STK32B: variants seen among roughly 807,000 people sequenced by gnomAD.
STK32B encodes the protein serine/threonine-protein kinase 32B.
In STK32B, 43 loss-of-function variants were observed where a neutral mutation model predicts 52.6. That is an observed-to-expected ratio of 0.82 (90% CI 0.64 to 1.05). STK32B has a LOEUF of 1.05. Ranked by LOEUF, STK32B falls within the 50% of genes least tolerant of loss-of-function variation. The probability of loss-of-function intolerance (pLI) is 0.00; values close to 1 mark genes in which losing one functional copy is unlikely to be tolerated. For missense variants in STK32B, 621 were observed against 534.6 expected (o/e 1.16, Z -1.59); for synonymous variants, 238 against 204.3 (o/e 1.17, Z -1.41).
intron 3 of STK32B, among the ~76,000 whole-genome samples, chr4:5,328,548 A>T (rs965985038): frequency 3.9e-5 from 6 of 152,280 alleles, no homozygotes; most frequent in African/African-American, 1.4e-4. Context: ...AACACATCCA[A>T]CCTTTATCCA....
At chr4:5,387,192 G>C (rs1391949264) in intron 4 of STK32B, among the ~76,000 whole-genome samples, 1 of 152,236 alleles carries the variant, frequency 6.6e-6, no homozygotes, top group Non-Finnish European at 1.5e-5. Flanking sequence ...GCCAGGACCT[G>C]ACGCTGATTG....
rs1721607951 is a variant in STK32B at position 5,195,871 on chromosome 4, C to T, written c.260+27421C>T. Among the ~76,000 whole-genome samples the T allele has an allele frequency of 2.6e-5, 4 of 152,322 alleles. No individual in the cohort carries two copies. In the South Asian group the frequency reaches 8.3e-4, roughly 32 times the overall value. ...TGACCTTTTTATCAACTCACTTGAA[C>T]TGGATTCTTAAAAGTTGTTATGACC... On this transcript the variant is annotated intron_variant, in intron 3 of 11. Transcript: ENST00000282908.
chr4:5,444,182 G>A (rs1017386129), intron 6 of STK32B, among the ~76,000 whole-genome samples: 3 of 152,142 alleles, frequency 2.0e-5, no homozygotes, highest in East Asian at 1.9e-4. Context: ...GGGCAATGGC[G>A]GGCGCCCCTC....
intron 5 of STK32B, among the ~76,000 whole-genome samples, chr4:5,402,260 G>A (rs1208901477): frequency 6.6e-6 from 1 of 152,208 alleles, no homozygotes; most frequent in Non-Finnish European, 1.5e-5. Flanking sequence ...CATTAATGCA[G>A]TTGCCTAACA....
rs545920967 is a variant in STK32B, at chr4:5,399,139, C to G, written c.472+895C>G. Among the ~76,000 whole-genome samples the G allele has an allele frequency of 6.6e-4, 100 of 152,328 alleles. No individual in the cohort carries two copies. The highest frequency in any genetic ancestry group is 2.4e-3 in the African/African-American group (99 of 41,578). ...CTGATGCCAACAGGAGACTTACAGC[C>G]TTCAAAACTAAATTCACTGGCATTG... On this transcript the variant is annotated intron_variant, in intron 5 of 11. Coordinates refer to ENST00000282908, the MANE Select transcript of STK32B (RefSeq NM_018401.3). The surrounding 1 kb of genome is among the most constrained non-coding windows in gnomAD (Gnocchi z 5.4).
At chr4:5,477,789 C>A (rs375272383) in intron 11 of STK32B, among the ~76,000 whole-genome samples, 16 of 152,260 alleles carry the variant, frequency 1.1e-4, no homozygotes, top group Middle Eastern at 3.4e-3. Context: ...AGTCACGTGG[C>A]CTCACTTAAC....
Position 5,137,646 on chromosome 4 carries a change from A to G in STK32B, c.53-2259A>G, listed in dbSNP as rs80337515. 5.9e-5 allele frequency among the ~76,000 whole-genome samples: 9 copies of G among 152,274 alleles called. No individual in the cohort carries two copies. The South Asian group carries it at 1.9e-3, about 32-fold the overall frequency. On this transcript the variant is annotated intron_variant, in intron 1 of 11. Transcript: ENST00000282908. ...AACTGAGGCACACAGAGGCTAAATG[A>G]TGCCGCTAATGACAGACTGACTGAA...
chr4:5,200,168 CA>C (rs1330460229), intron 3 of STK32B, among the ~76,000 whole-genome samples: 4 of 152,030 alleles, frequency 2.6e-5, no homozygotes, highest in African/African-American at 9.7e-5. Context: ...GTTATTGAAT[CA>C]AGCAATGCCC....
chr4:5,260,078 TAC>T (rs59447566), intron 3 of STK32B, among the ~76,000 whole-genome samples: 14,307 of 150,952 alleles, frequency 0.095, 1,745 homozygotes, highest in African/African-American at 0.28. Flanking sequence ...CATACACACA[TAC>T]ACACACACAC....
chr4:5,326,702 A>G (rs1731902037), intron 3 of STK32B, among the ~76,000 whole-genome samples: 1 of 152,340 alleles, frequency 6.6e-6, no homozygotes, highest in Middle Eastern at 3.4e-3. Context: ...AACAAGTCAC[A>G]GTCTTTTTGC....
intron 5 of STK32B, among the ~76,000 whole-genome samples, chr4:5,407,358 G>A (rs1737748350): frequency 6.6e-6 from 1 of 152,018 alleles, no homozygotes. Flanking sequence ...CTTCATCTGA[G>A]CCCTCCGCAC....
chr4:5,064,061 A>T (rs1742316947), intron 1 of STK32B, among the ~76,000 whole-genome samples: 1 of 151,862 alleles, frequency 6.6e-6, no homozygotes, highest in African/African-American at 2.4e-5. Context: ...TTTGTCAGTT[A>T]TGTGCTGCAA....
At chr4:5,085,892 T>C (rs1319357836) in intron 1 of STK32B, among the ~76,000 whole-genome samples, 2 of 152,188 alleles carry the variant, frequency 1.3e-5, no homozygotes, top group Non-Finnish European at 2.9e-5. Context: ...AGAGACCTTT[T>C]TCATACAGAA....
At chr4:5,263,546 T>C (rs779544426) in intron 3 of STK32B, among the ~76,000 whole-genome samples, 1 of 152,214 alleles carries the variant, frequency 6.6e-6, no homozygotes, top group African/African-American at 2.4e-5. Context: ...CATCCACCTA[T>C]GCAAAATCAC....
At position 5,466,835 on chromosome 4, in the gene STK32B, G is replaced by C. The variant is rs199547988; in HGVS notation, c.1041+1G>C. On this transcript the variant is annotated splice_donor_variant, in intron 10 of 11. Transcript: ENST00000282908. LOFTEE classifies it high-confidence loss of function. ...TGGCACAAAGGACAGCTGCCCGCTGGTGAGTGCTTCGTGGGAGCCGTTCCG... is the reference window on the plus strand; with the variant it reads ...TGGCACAAAGGACAGCTGCCCGCTGCTGAGTGCTTCGTGGGAGCCGTTCCG... The C allele has an allele frequency of 1.2e-6, 2 of 1,612,936 alleles. No individual in the cohort carries two copies. The highest frequency in any genetic ancestry group is 1.7e-6 in the Non-Finnish European group (2 of 1,179,482).
intron 3 of STK32B, among the ~76,000 whole-genome samples, chr4:5,230,865 C>T (rs1577219901): frequency 1.3e-5 from 2 of 152,320 alleles, no homozygotes; most frequent in South Asian, 2.1e-4. Context: ...GAGAAAAGTG[C>T]TCTGAATGGA....
chr4:5,066,006 G>C (rs1335470548), intron 1 of STK32B, among the ~76,000 whole-genome samples: 1 of 152,116 alleles, frequency 6.6e-6, no homozygotes, highest in Non-Finnish European at 1.5e-5. Flanking sequence ...TTACAGGTGT[G>C]AGCCACCATG....
intron 9 of STK32B, among the ~76,000 whole-genome samples, chr4:5,464,874 GA>G (rs1213132992): frequency 1.3e-5 from 2 of 152,200 alleles, no homozygotes; most frequent in Non-Finnish European, 2.9e-5. Context: ...ACGAATGAAT[GA>G]ATGAATGAGT....
intron 5 of STK32B, among the ~76,000 whole-genome samples, chr4:5,416,446 A>C (rs918391980): frequency 6.6e-6 from 1 of 152,096 alleles, no homozygotes; most frequent in African/African-American, 2.4e-5. Flanking sequence ...ACAGCAGAAC[A>C]AACAGTGTCC....
Sources: allele counts gnomAD v4.1 joint callset (sites outside exome capture counted in the v4.1 genomes callset), GRCh38; gene constraint gnomAD v4.1.1; non-coding constraint Gnocchi (gnomAD v3.1); transcripts MANE v1.5; gene names NCBI Gene and HGNC (gene_info 2026-07-23, HGNC 2026-07-21).